DCHS1: variants seen among roughly 807,000 people sequenced by gnomAD.
DCHS1 encodes protocadherin-16.
Under a neutral mutation model 213.9 loss-of-function variants are expected in DCHS1, and 78 were observed. The ratio of observed to expected loss-of-function variants is 0.36; its 90% confidence interval spans 0.30 to 0.44. DCHS1 has a LOEUF of 0.44. DCHS1 is among the 20% of genes least tolerant of loss of function. The pLI is 1.00. For missense variants in DCHS1, 3,946 were observed against 4,395.9 expected, an observed-to-expected ratio of 0.90 and a Z score of 2.89; for synonymous variants, 1,828 against 1,873.7, an observed-to-expected ratio of 0.98 and a Z score of 0.63.
chr11:6,632,841 A>C lies in DCHS1; in HGVS notation c.2671T>G (p.Ser891Ala). The C allele has an allele frequency of 6.2e-7, 1 of 1,613,932 alleles. No individual in the cohort carries two copies. Among genetic ancestry groups the C allele is most frequent in the African/African-American group, 1.3e-5 (1 of 75,014 alleles). ...RVLLDDVNDN[S>A]PAFPAPEDTV... ...TCTTCAGGTGCAGGAAAGGCAGGGG[A>C]GTTGTCATTCACATCATCCAGCAGC... is the stretch of plus-strand genomic sequence containing the variant. Residue 891 changes from serine (S) to alanine (A), a missense_variant, in exon 6 of 21, where the codon TCC (serine) becomes GCC (alanine). Coordinates refer to ENST00000299441, the MANE Select transcript of DCHS1 (RefSeq NM_003737.4). This position sits in a 1 kb window ranked among gnomAD's most constrained non-coding sequence, Gnocchi z 5.9.
In DCHS1 at chr11:6,641,385, T is replaced by A. The variant is rs768049079; in HGVS notation, c.229A>T (p.Met77Leu). 3.7e-6 allele frequency: 6 copies of A among 1,613,216 alleles called. No homozygotes were observed. Among genetic ancestry groups the A allele is most frequent in the Non-Finnish European group, 5.1e-6 (6 of 1,179,822 alleles). The change falls in exon 2 of 21, where the codon ATG becomes TTG. Residue 77 changes from methionine (M) to leucine (L), a missense_variant. Around this residue, in one of 3 missense-constraint regions of DCHS1, gnomAD observed 3,384 missense variants for 3,780.1 expected, o/e 0.90. Coordinates refer to ENST00000299441, the MANE Select transcript of DCHS1 (RefSeq NM_003737.4). This position sits in a 1 kb window ranked among gnomAD's most constrained non-coding sequence, Gnocchi z 7.1. The part of the protein sequence containing the change: ...GLPAGTAAPL[M>L]YFISAQEGSG... ...CCCTCTTGGGCAGAGATGAAGTACA[T>A]GAGAGGAGCTGCCGTGCCTGCCGGA...
In DCHS1 at chr11:6,632,527, C is replaced by T. The variant is rs980833804; in HGVS notation, c.2985G>A (p.Gly995=). 1.3e-6 allele frequency: 2 copies of T among 1,533,298 alleles called. No individual in the cohort carries two copies. The highest frequency in any genetic ancestry group is 1.8e-6 in the Non-Finnish European group (2 of 1,138,092). The allele number at this position is 1,533,298 out of a possible 1,614,324, so 95.0% of individuals were successfully genotyped here. A position where few individuals can be genotyped will look rare whatever the true frequency, so the allele number is the denominator to read the frequency against. ...TAGGGCTGTTGAATCGGGGAGCCAG[C>T]CCACGGGTTCCCACATCCTGTACCA... is the stretch of plus-strand genomic sequence containing the variant. ...RVVVQDVGTR[G]LAPRFNSPTY... The change falls in exon 6 of 21, where the codon GGG becomes GGA. Residue 995 remains glycine (G), a synonymous_variant. Coordinates refer to ENST00000299441, the MANE Select transcript of DCHS1 (RefSeq NM_003737.4). This position sits in a 1 kb window ranked among gnomAD's most constrained non-coding sequence, Gnocchi z 5.9.
At position 6,622,350 on chromosome 11, in the gene DCHS1, T is replaced by C. The variant is rs1343094503; in HGVS notation, c.9326A>G (p.Glu3109Gly). 6.3e-7 allele frequency: 1 copy of C among 1,592,310 alleles called. No individual in the cohort carries two copies. The highest frequency in any genetic ancestry group is 8.5e-7 in the Non-Finnish European group (1 of 1,169,750). ...LPGAGATLYREEGPPATATAF... is the reference protein window; with the variant it reads ...LPGAGATLYRGEGPPATATAF... Reference sequence around the variant, plus strand: ...TGTGGCAGTGGCTGGGGGCCCCTCCTCTCTGTAGAGAGTGGCTCCTGCACC... The same window carrying C: ...TGTGGCAGTGGCTGGGGGCCCCTCCCCTCTGTAGAGAGTGGCTCCTGCACC... Residue 3109 changes from glutamate to glycine, a missense_variant, in exon 21 of 21, where the codon GAG becomes GGG. Glu to Gly is a moderately conservative substitution (Grantham distance 98, BLOSUM62 -2). This residue lies in a region of DCHS1 where 554 missense variants were observed against 590.2 expected (regional missense o/e 0.94). Coordinates refer to ENST00000299441, the MANE Select transcript of DCHS1 (RefSeq NM_003737.4). This position sits in a 1 kb window ranked among gnomAD's most constrained non-coding sequence, Gnocchi z 5.4.
chr11:6,655,485 C>G, intron 1 of DCHS1, 78 bp downstream of exon 1: 1 of 916,258 alleles, frequency 1.1e-6, no homozygotes, highest in African/African-American at 1.8e-5. Context: ...CCGGCTCCGC[C>G]GCCGCTGCCG....
chr11:6,651,431 T>C (rs1208512506), intron 1 of DCHS1, among the ~76,000 whole-genome samples: 1 of 152,156 alleles, frequency 6.6e-6, no homozygotes, highest in East Asian at 1.9e-4. Context: ...ACTGGGAGGC[T>C]TGGGGAGGTC....
At position 6,621,916 on chromosome 11, in the gene DCHS1, A is replaced by G; in HGVS notation, c.9760T>C (p.Phe3254Leu). Residue 3254 changes from phenylalanine (F) to leucine (L), a missense_variant, in exon 21 of 21, where the codon TTC becomes CTC. Phe to Leu is a conservative substitution (Grantham distance 22, BLOSUM62 0). Coordinates refer to ENST00000299441, the MANE Select transcript of DCHS1 (RefSeq NM_003737.4). ...SLSSAAMSPSFSPSLSPLAAR... is the reference protein window; with the variant it reads ...SLSSAAMSPSLSPSLSPLAAR... ...GCCAGAGGAGACAGAGAGGGTGAGA[A>G]GCTGGGGGACATGGCAGCTGAGGAC... 6.2e-7 allele frequency: 1 copy of G among 1,613,336 alleles called. No individual in the cohort carries two copies. Among genetic ancestry groups the G allele is most frequent in the Middle Eastern group, 1.7e-4 (1 of 6,060 alleles).
chr11:6,647,802 G>A (rs1856186074), intron 1 of DCHS1, among the ~76,000 whole-genome samples: 2 of 152,358 alleles, frequency 1.3e-5, no homozygotes, highest in Admixed American at 1.3e-4. Context: ...CAGGGAAGTT[G>A]AGGGGACAGA....
intron 1 of DCHS1, among the ~76,000 whole-genome samples, chr11:6,643,241 A>AGATGG (rs1430747795): frequency 2.0e-5 from 3 of 152,178 alleles, no homozygotes; most frequent in African/African-American, 7.2e-5. Context: ...CACAGACTGA[A>AGATGG]GATGGGATGT....
chr11:6,626,981 T>A lies in DCHS1; in HGVS notation c.6058A>T (p.Ile2020Phe), dbSNP rs952113608. The A allele has an allele frequency of 4.3e-6, 7 of 1,613,476 alleles. No homozygotes were observed. The highest frequency in any genetic ancestry group is 5.9e-6 in the Non-Finnish European group (7 of 1,179,868). The change falls in exon 14 of 21, where the codon ATC becomes TTC. Residue 2020 changes from isoleucine (I) to phenylalanine (F), a missense_variant. This residue lies in a region of DCHS1 where 3,384 missense variants were observed against 3,780.1 expected (regional missense o/e 0.90). Transcript: ENST00000299441. The surrounding 1 kb of genome is among the most constrained non-coding windows in gnomAD (Gnocchi z 5.2). The stretch of plus-strand genomic sequence containing the variant: ...GCTACAGGAGAGCGGGCCACGCGGA[T>A]TTCACCAGTGTAAGAGTCCACAGTA... ...GTTVDSYTGE[I>F]RVARSPVALG...
chr11:6,650,373 C>T (rs1856225899), intron 1 of DCHS1, among the ~76,000 whole-genome samples: 1 of 152,090 alleles, frequency 6.6e-6, no homozygotes, highest in African/African-American at 2.4e-5. Flanking sequence ...GGCCTGGTGT[C>T]AGAAGGTTAC....
chr11:6,622,990 G>A lies in DCHS1; in HGVS notation c.8686C>T (p.Arg2896Trp), dbSNP rs751381215. The part of the protein sequence containing the change: ...GGGRTRREAP[R>W]ELRLEVIARG... ...GCTATCACCTCCAGCCTCAGCTCCC[G>A]TGGTGCTTCCCGCCGGGTCCGGCCC... The change falls in exon 21 of 21, where the codon CGG becomes TGG. Residue 2896 changes from arginine to tryptophan, a missense_variant. Arg to Trp is a moderately radical substitution (Grantham distance 101). This residue lies in a region of DCHS1 where 554 missense variants were observed against 590.2 expected (regional missense o/e 0.94). Coordinates refer to ENST00000299441, the MANE Select transcript of DCHS1 (RefSeq NM_003737.4). The surrounding 1 kb of genome is among the most constrained non-coding windows in gnomAD (Gnocchi z 5.4). 41 of 1,571,194 alleles carry A rather than the reference G, an allele frequency of 2.6e-5. No homozygotes were observed. The highest frequency in any genetic ancestry group is 1.0e-4 in the South Asian group (9 of 85,790).
At position 6,629,855 on chromosome 11, in the gene DCHS1, T is replaced by G; in HGVS notation, c.4852A>C (p.Thr1618Pro). Residue 1618 changes from threonine to proline, a missense_variant, in exon 11 of 21, where the codon ACA becomes CCA. Physicochemically the swap from Thr to Pro is conservative, Grantham distance 38. Coordinates refer to ENST00000299441, the MANE Select transcript of DCHS1 (RefSeq NM_003737.4). ...GAGCCGTGGTCTGAGGCCACCACTG[T>G]CAGTACGTGCTCAGCTCGTTGTTCG... ...DREQRAEHVL[T>P]VVASDHGSPP... 1.2e-6 allele frequency: 2 copies of G among 1,613,108 alleles called. No homozygotes were observed. Among genetic ancestry groups the G allele is most frequent in the Non-Finnish European group, 1.7e-6 (2 of 1,179,868 alleles).
intron 1 of DCHS1, among the ~76,000 whole-genome samples, chr11:6,654,527 T>C (rs1480949219): frequency 6.6e-6 from 1 of 152,132 alleles, no homozygotes; most frequent in Non-Finnish European, 1.5e-5. Context: ...GTATGTTGGT[T>C]GCAGCATTTC....
intron 2 of DCHS1, among the ~76,000 whole-genome samples, chr11:6,638,189 C>G (rs1209630347): frequency 6.6e-6 from 1 of 152,152 alleles, no homozygotes; most frequent in African/African-American, 2.4e-5. Context: ...CCAGAGCTAG[C>G]CTGGAAGTCT....
rs200103093 is a variant in DCHS1, at chr11:6,625,768, A to AG, written c.6732-42dup. 23,197 of 1,593,172 alleles carry AG rather than the reference A, an allele frequency of 0.015. 222 individuals carry two copies. The highest frequency in any genetic ancestry group is 0.041 in the Middle Eastern group (232 of 5,632). On this transcript the variant is annotated intron_variant, in intron 17 of 20. Transcript: ENST00000299441. The surrounding 1 kb of genome is among the most constrained non-coding windows in gnomAD (Gnocchi z 5.3). ...AATCATCGGGTGGGACATGGCAATA[A>AG]GGGGGAACTCTGGGCAGGGCCAGGA...
intron 1 of DCHS1, among the ~76,000 whole-genome samples, chr11:6,643,013 G>A (rs1000167786): frequency 6.6e-6 from 1 of 152,150 alleles, no homozygotes; most frequent in Non-Finnish European, 1.5e-5. Context: ...AGAAGGATTG[G>A]GAGAAGTCAA....
chr11:6,622,703 C>T lies in DCHS1; in HGVS notation c.8973G>A (p.Arg2991=), dbSNP rs1356348337. Residue 2991 remains arginine (R), a synonymous_variant, in exon 21 of 21, where the codon CGG becomes CGA. Transcript: ENST00000299441. The surrounding 1 kb of genome is among the most constrained non-coding windows in gnomAD (Gnocchi z 5.4). The stretch of plus-strand genomic sequence containing the variant: ...CAGAGGGTGGTGGACTAGGTGGCTC[C>T]CGGCCCAGTTTCTGCAGTGAGTCAC... ...LASDSLQKLG[R]EPPSPPPSEH... is the part of the protein sequence containing the mutation. 2.5e-6 allele frequency: 4 copies of T among 1,592,092 alleles called. No individual in the cohort carries two copies. Among genetic ancestry groups the T allele is most frequent in the Non-Finnish European group, 3.4e-6 (4 of 1,169,592 alleles).
rs776106250 is a variant in DCHS1 at position 6,632,493 on chromosome 11, C to T, written c.3019G>A (p.Val1007Met). Residue 1007 changes from valine to methionine, a missense_variant, in exon 6 of 21, where the codon GTG becomes ATG. Physicochemically the swap from Val to Met is conservative, Grantham distance 21. Coordinates refer to ENST00000299441, the MANE Select transcript of DCHS1 (RefSeq NM_003737.4). The surrounding 1 kb of genome is among the most constrained non-coding windows in gnomAD (Gnocchi z 5.9). ...APRFNSPTYR[V>M]DLPSGTTAGT... ...GCAGTGGTGCCTGAGGGCAGGTCCA[C>T]ACGGTAGGTAGGGCTGTTGAATCGG... is the stretch of plus-strand genomic sequence containing the variant. 8.2e-6 allele frequency: 13 copies of T among 1,576,072 alleles called. No homozygotes were observed. The highest frequency in any genetic ancestry group is 6.9e-6 in the Non-Finnish European group (8 of 1,159,286).
rs771075826 is a variant in DCHS1 at position 6,624,908 on chromosome 11, T to C, written c.7147-40A>G. 6 of 1,610,242 alleles carry C rather than the reference T, an allele frequency of 3.7e-6. No individual in the cohort carries two copies. The African/African-American group carries it at 8.0e-5, about 22-fold the overall frequency. On this transcript the variant is annotated intron_variant, in intron 19 of 20. Coordinates refer to ENST00000299441, the MANE Select transcript of DCHS1 (RefSeq NM_003737.4). ...AAAGTGCTTATTGCCAGGCTTCCCATTTGCCCTGCTGTCCATGCAGCCTGT... is the reference window on the plus strand; with the variant it reads ...AAAGTGCTTATTGCCAGGCTTCCCACTTGCCCTGCTGTCCATGCAGCCTGT...
Sources: allele counts gnomAD v4.1 joint callset (sites outside exome capture counted in the v4.1 genomes callset), GRCh38; gene constraint gnomAD v4.1.1; regional missense constraint gnomAD v4.1.1; non-coding constraint Gnocchi (gnomAD v3.1); transcripts MANE v1.5; gene names NCBI Gene and HGNC (gene_info 2026-07-23, HGNC 2026-07-21).